Variants in PCDH15 observed in about 807,000 individuals in gnomAD.
PCDH15 encodes protocadherin-15.
Under a neutral mutation model 178.5 loss-of-function variants are expected in PCDH15, and 129 were observed. That is an observed-to-expected ratio of 0.72 (90% CI 0.63 to 0.84). The LOEUF is 0.84. PCDH15 is among the 40% of genes least tolerant of loss of function. The pLI is 0.00. For missense variants in PCDH15, 2,230 were observed against 2,099.9 expected (o/e 1.06, Z -1.21); for synonymous variants, 800 against 732.0 (o/e 1.09, Z -1.50).
At position 54,293,592 on chromosome 10, in the gene PCDH15, A is replaced by C. The variant is rs529868706; in HGVS notation, c.876+23679T>G. ...ATCTGACAAAGGGCTAATATCCAGA[A>C]TCTACAAAGAACTCAAACAAATTTA... On this transcript the variant is annotated intron_variant, in intron 8 of 37. Transcript: ENST00000644397. Among the ~76,000 whole-genome samples, 282 of 152,338 alleles carry C rather than the reference A, an allele frequency of 1.9e-3. 2 individuals carry two copies. Among genetic ancestry groups the C allele is most frequent in the African/African-American group, 6.5e-3 (272 of 41,574 alleles).
intron 2 of PCDH15, among the ~76,000 whole-genome samples, chr10:54,590,778 C>T (rs1252358539): frequency 1.3e-5 from 2 of 152,014 alleles, no homozygotes; most frequent in Non-Finnish European, 2.9e-5. Context: ...TGTGTGAAAG[C>T]ATTTTGCACC....
chr10:55,127,478 C>A lies in PCDH15; in HGVS notation c.-80+39098G>T, dbSNP rs181860348. ...CATATCTATAGAATGGACTCATAAT[C>A]TTCGACTGACCAAGTAATACCCCTG... is the stretch of plus-strand genomic sequence containing the variant. On this transcript the variant is annotated intron_variant, in intron 2 of 5. Transcript: ENST00000458638. Among the ~76,000 whole-genome samples the A allele has an allele frequency of 1.4e-3, 219 of 152,134 alleles. 1 individual carries two copies. The highest frequency in any genetic ancestry group is 5.1e-3 in the African/African-American group (210 of 41,546).
chr10:55,367,572 C>A lies in PCDH15; in HGVS notation c.-155-200921G>T, dbSNP rs371247062. On this transcript the variant is annotated intron_variant, in intron 2 of 5. Transcript: ENST00000613346. ...CCTCAGCCTGGGCAAAATAGTGAGA[C>A]CCTCTCTCAAGAAAACAAAACAAAA... 8.6e-5 allele frequency among the ~76,000 whole-genome samples: 13 copies of A among 152,004 alleles called. No individual in the cohort carries two copies. In the East Asian group the frequency reaches 2.1e-3, roughly 25 times the overall value.
chr10:53,822,462 G>A, intron 32 of PCDH15: 1 of 1,604,394 alleles, frequency 6.2e-7, no homozygotes, highest in Non-Finnish European at 8.5e-7. Flanking sequence ...AGGAGAAGGA[G>A]GAGAAATAGG....
chr10:54,242,742 G>T (rs1239244347), intron 8 of PCDH15, among the ~76,000 whole-genome samples: 1 of 152,096 alleles, frequency 6.6e-6, no homozygotes, highest in Non-Finnish European at 1.5e-5. Context: ...CTTCATCTGA[G>T]TAACGTATAC....
chr10:54,523,281 C>G (rs2083064625), intron 3 of PCDH15, among the ~76,000 whole-genome samples: 1 of 152,076 alleles, frequency 6.6e-6, no homozygotes, highest in Non-Finnish European at 1.5e-5. Flanking sequence ...TAGTATATAT[C>G]TACATTTTGT....
At chr10:54,039,480 A>C (rs10763057) in intron 18 of PCDH15, among the ~76,000 whole-genome samples, 61,354 of 151,718 alleles carry the variant, frequency 0.4, 13,872 homozygotes, top group Middle Eastern at 0.61. Context: ...GAGAATTGTC[A>C]GTGGGTTCCC....
intron 2 of PCDH15, among the ~76,000 whole-genome samples, chr10:55,581,393 C>T (rs1179084113): frequency 6.7e-6 from 1 of 149,734 alleles, no homozygotes; most frequent in Non-Finnish European, 1.5e-5. Flanking sequence ...TTCATTGAAA[C>T]ATTGAAAATG....
intron 1 of PCDH15, among the ~76,000 whole-genome samples, chr10:55,207,553 A>G (rs1160056308): frequency 1.3e-5 from 2 of 152,180 alleles, no homozygotes; most frequent in Non-Finnish European, 2.9e-5. Flanking sequence ...GTTCTCTTTC[A>G]AATTACTAAA....
At chr10:54,585,857 T>G (rs2091426374) in intron 2 of PCDH15, among the ~76,000 whole-genome samples, 1 of 152,130 alleles carries the variant, frequency 6.6e-6, no homozygotes, top group Non-Finnish European at 1.5e-5. Context: ...AATATTCCTT[T>G]CCTGTGGGTA....
At chr10:55,465,254 A>G (rs1314091024) in intron 2 of PCDH15, among the ~76,000 whole-genome samples, 1 of 152,174 alleles carries the variant, frequency 6.6e-6, no homozygotes, top group Non-Finnish European at 1.5e-5. Context: ...TTGAGTCCAA[A>G]ACAGTATGGA....
At chr10:53,821,773 G>A (rs912886150) in intron 32 of PCDH15, 2 of 1,583,544 alleles carry the variant, frequency 1.3e-6, no homozygotes, top group Admixed American at 1.8e-5. Context: ...AAATAATAGA[G>A]TCTTCTTTGA....
At chr10:54,973,222 TAGAG>T (rs1347225917) in intron 2 of PCDH15, among the ~76,000 whole-genome samples, 1 of 152,150 alleles carries the variant, frequency 6.6e-6, no homozygotes, top group Non-Finnish European at 1.5e-5. Flanking sequence ...CACACATATT[TAGAG>T]AAGAAGTTGC....
At chr10:54,542,560 C>T (rs2085363120) in intron 2 of PCDH15, among the ~76,000 whole-genome samples, 1 of 152,134 alleles carries the variant, frequency 6.6e-6, no homozygotes, top group Admixed American at 6.5e-5. Context: ...TTTTTCCATA[C>T]ATCACATCTT....
At chr10:54,818,376 G>A (rs1408884655) in intron 3 of PCDH15, among the ~76,000 whole-genome samples, 1 of 151,998 alleles carries the variant, frequency 6.6e-6, no homozygotes, top group Admixed American at 6.6e-5. Flanking sequence ...CCTCACAAAT[G>A]TTCTTCTTTC....
At chr10:54,851,791 A>G (rs1953626681) in intron 3 of PCDH15, among the ~76,000 whole-genome samples, 1 of 152,058 alleles carries the variant, frequency 6.6e-6, no homozygotes, top group Admixed American at 6.6e-5. Flanking sequence ...GTTGATCTCA[A>G]ACTTCTGACC....
At chr10:54,056,324 G>C (rs2093886092) in intron 18 of PCDH15, among the ~76,000 whole-genome samples, 1 of 152,074 alleles carries the variant, frequency 6.6e-6, no homozygotes, top group Non-Finnish European at 1.5e-5. Context: ...CTGTCCTAAT[G>C]TTGCTAAAAA....
chr10:53,933,314 T>G (rs546420925), intron 25 of PCDH15, among the ~76,000 whole-genome samples: 4 of 151,952 alleles, frequency 2.6e-5, no homozygotes, highest in African/African-American at 9.7e-5. Flanking sequence ...CCTAATGCTA[T>G]CCCTCCCCCC....
At chr10:54,432,284 AAAC>A (rs901384930) in intron 3 of PCDH15, among the ~76,000 whole-genome samples, 1 of 115,700 alleles carries the variant, frequency 8.6e-6, no homozygotes, top group African/African-American at 3.1e-5. Flanking sequence ...AGAAACAAAC[AAAC>A]AAAAAAAACC....
Sources: gnomAD v4.1 joint callset for allele counts (sites outside exome capture counted in the v4.1 genomes callset) on GRCh38, gnomAD v4.1.1 for gene constraint, MANE v1.5 for transcripts, NCBI Gene and HGNC (gene_info 2026-07-23, HGNC 2026-07-21) for gene names.